The following CLEC20A variants were observed in gnomAD, a reference collection of about 807,000 sequenced individuals.
CLEC20A encodes the protein C-type lectin domain containing 20A.
intron 5 of CLEC20A, among the ~76,000 whole-genome samples, chr1:178,486,123 A>G (rs1422092533): frequency 6.6e-6 from 1 of 152,180 alleles, no homozygotes; most frequent in African/African-American, 2.4e-5. Flanking sequence ...TAGAACCAAA[A>G]TGGATTATTT....
At chr1:178,486,791 G>A (rs1649157736) in intron 5 of CLEC20A, 3 of 398,466 alleles carry the variant, frequency 7.5e-6, no homozygotes, top group African/African-American at 4.1e-5. Flanking sequence ...GAGGGCGCAG[G>A]GTGGGAAGAC....
intron 7 of CLEC20A, chr1:178,480,290 A>G (rs1266569329): frequency 6.6e-6 from 1 of 152,154 alleles, no homozygotes; most frequent in Non-Finnish European, 1.5e-5. Context: ...CTCCATTAAC[A>G]TGGTCATCCC....
rs1473048463 is a variant in CLEC20A at position 178,486,855 on chromosome 1, G to GC, written c.928+1645dup. The GC allele has an allele frequency of 2.3e-5, 9 of 398,372 alleles. No individual in the cohort carries two copies. In the East Asian group the frequency reaches 3.2e-4, roughly 14 times the overall value. The allele number at this position is 398,372 out of a possible 1,614,324, so 24.7% of individuals were successfully genotyped here. On this transcript the variant is annotated intron_variant, in intron 5 of 7. Coordinates refer to ENST00000623247, the Ensembl canonical transcript of CLEC20A. ...TGGGTCCTTCCGCGGGAACCAAGGT[G>GC]CCCCCCGGGGCCGCGAGGTTGGCCG...
chr1:178,488,405 G>A (rs767459961), intron 5 of CLEC20A, 96 bp downstream of exon 5: 170 of 397,836 alleles, frequency 4.3e-4, no homozygotes, highest in Non-Finnish European at 6.6e-4. Flanking sequence ...GCATACACTG[G>A]CCCTTCTAAG....
chr1:178,498,553 G>A (rs984969915), upstream of CLEC20A, among the ~76,000 whole-genome samples: 1 of 152,160 alleles, frequency 6.6e-6, no homozygotes, highest in Non-Finnish European at 1.5e-5. Context: ...TTGTACCACT[G>A]TACTCCAGCC....
chr1:178,493,468 T>C (rs1649313675), intron 2 of CLEC20A: 1 of 152,712 alleles, frequency 6.5e-6, no homozygotes, highest in Non-Finnish European at 1.5e-5. Flanking sequence ...GTGACACTCT[T>C]ACCGGGCAAG....
intron 7 of CLEC20A, chr1:178,480,773 C>T (rs1022748814): frequency 1.3e-5 from 2 of 151,826 alleles, no homozygotes; most frequent in Admixed American, 6.6e-5. Flanking sequence ...CAGAGCAAGA[C>T]TCCGTCTTAA....
intron 1 of CLEC20A, chr1:178,496,649 A>C: frequency 2.5e-6 from 1 of 393,818 alleles, no homozygotes; most frequent in Non-Finnish European, 4.5e-6. Flanking sequence ...CGCTAGAAAG[A>C]AAGCTGCTGG....
upstream of CLEC20A, chr1:178,499,390 G>A (rs1275096942): frequency 6.6e-6 from 1 of 152,222 alleles, no homozygotes; most frequent in Admixed American, 6.5e-5. Flanking sequence ...TGCCAGAGGA[G>A]ATTAACATTT....
chr1:178,487,876 C>T (rs779475366), intron 5 of CLEC20A, among the ~76,000 whole-genome samples: 5 of 152,216 alleles, frequency 3.3e-5, no homozygotes, highest in Admixed American at 6.5e-5. Context: ...GCCAGGAAAA[C>T]GGTGATTTTG....
chr1:178,483,788 C>T (rs1649056605), intron 5 of CLEC20A: 1 of 152,474 alleles, frequency 6.6e-6, no homozygotes, highest in South Asian at 2.1e-4. Flanking sequence ...CTCAGCGGCT[C>T]CCTTGCTCCA....
chr1:178,481,329 T>C (rs1198479464), intron 7 of CLEC20A: 2 of 152,222 alleles, frequency 1.3e-5, no homozygotes, highest in Admixed American at 1.3e-4. Context: ...TGTGAAATTC[T>C]AGAATGAATT....
chr1:178,486,500 CAG>C, intron 5 of CLEC20A: 1 of 398,832 alleles, frequency 2.5e-6, no homozygotes, highest in Non-Finnish European at 4.4e-6. Context: ...GCTGCAGAGT[CAG>C]GGGGTGCAGT....
At chr1:178,487,900 T>C (rs1372909749) in intron 5 of CLEC20A, among the ~76,000 whole-genome samples, 1 of 152,242 alleles carries the variant, frequency 6.6e-6, no homozygotes, top group African/African-American at 2.4e-5. Context: ...TCAATTACTC[T>C]AGTTAGCCTC....
intron 5 of CLEC20A, chr1:178,483,863 C>G (rs143866380): frequency 2.0e-5 from 3 of 152,304 alleles, no homozygotes; most frequent in African/African-American, 7.2e-5. Flanking sequence ...CTTATTTTTT[C>G]AAATATGGAA....
chr1:178,498,124 T>C (rs1649443242), upstream of CLEC20A, among the ~76,000 whole-genome samples: 1 of 151,978 alleles, frequency 6.6e-6, no homozygotes. Context: ...AACAGCATGC[T>C]CAGGACTACA....
chr1:178,481,643 C>G (rs964356583), intron 7 of CLEC20A: 2 of 152,128 alleles, frequency 1.3e-5, no homozygotes, highest in African/African-American at 4.8e-5. Context: ...ATTCAGAACA[C>G]TACAGTGATA....
chr1:178,480,231 C>T (rs1648933183), intron 7 of CLEC20A: 1 of 152,254 alleles, frequency 6.6e-6, no homozygotes, highest in Admixed American at 6.5e-5. Flanking sequence ...CCCCCACATA[C>T]ACCTTGTCCC....
At chr1:178,485,620 CCTGA>C (rs1322401516) in intron 5 of CLEC20A, among the ~76,000 whole-genome samples, 2 of 152,342 alleles carry the variant, frequency 1.3e-5, no homozygotes, top group African/African-American at 4.8e-5. Flanking sequence ...TCCAAACCGT[CCTGA>C]CTGTCTCCGT....
Sources: gnomAD v4.1 joint callset for allele counts (sites outside exome capture counted in the v4.1 genomes callset) on GRCh38, gnomAD v4.1.1 for gene constraint, MANE v1.5 for transcripts, NCBI Gene and HGNC (gene_info 2026-07-23, HGNC 2026-07-21) for gene names.